Variants in RLIG1 observed in about 807,000 individuals in gnomAD.
The protein encoded by RLIG1 is RNA ligase 1.
At chr12:88,035,549 G>A in the RLIG1 span, 1 of 1,257,680 alleles carries the variant, frequency 8.0e-7, no homozygotes, top group Non-Finnish European at 1.1e-6. Flanking sequence ...GAGTGTGCGT[G>A]GCCTGAGCCG....
At chr12:88,048,582 T>A in the RLIG1 span, 1 of 488,656 alleles carries the variant, frequency 2.0e-6, no homozygotes, top group Non-Finnish European at 3.3e-6. Context: ...CAAAATTTTA[T>A]TAAAAACCAG....
the RLIG1 span, chr12:88,035,826 G>T: frequency 6.5e-7 from 1 of 1,543,396 alleles, no homozygotes; most frequent in African/African-American, 1.4e-5. Context: ...AGGGCGGCTG[G>T]GCGCTTTAGA....
the RLIG1 span, among the ~76,000 whole-genome samples, chr12:88,046,012 C>T: frequency 3.3e-5 from 5 of 152,056 alleles, no homozygotes; most frequent in Admixed American, 6.6e-5. Context: ...CATTACACAA[C>T]TATATATGAA....
At chr12:88,047,456 C>T in the RLIG1 span, among the ~76,000 whole-genome samples, 1 of 152,102 alleles carries the variant, frequency 6.6e-6, no homozygotes, top group Non-Finnish European at 1.5e-5. Context: ...CTAGTTGTAA[C>T]TCTCTGAGTC....
chr12:88,047,063 T>A, the RLIG1 span: 1 of 1,268,658 alleles, frequency 7.9e-7, no homozygotes, highest in Admixed American at 2.5e-5. Context: ...TCTCTACAAA[T>A]GGCAGCAATT....
the RLIG1 span, chr12:88,035,736 C>A: frequency 6.3e-7 from 1 of 1,596,270 alleles, no homozygotes; most frequent in Non-Finnish European, 8.5e-7. Flanking sequence ...AAGGGAGCAT[C>A]AGGTACGGAG....
the RLIG1 span, chr12:88,049,310 A>G: frequency 2.6e-6 from 4 of 1,549,150 alleles, no homozygotes; most frequent in Admixed American, 3.4e-5. Flanking sequence ...CTAAGAGAAT[A>G]TTCTTCTTCA....
At chr12:88,048,195 A>T in the RLIG1 span, 1 of 1,432,262 alleles carries the variant, frequency 7.0e-7, no homozygotes. Context: ...TGAAGATAGT[A>T]TCTGTATGCT....
At chr12:88,048,281 C>T in the RLIG1 span, 8 of 1,598,348 alleles carry the variant, frequency 5.0e-6, no homozygotes, top group African/African-American at 5.4e-5. Flanking sequence ...CAGATACTTA[C>T]ATGAATTCAA....
At chr12:88,045,321 A>C in the RLIG1 span, 1 of 345,482 alleles carries the variant, frequency 2.9e-6, no homozygotes, top group Non-Finnish European at 5.3e-6. Flanking sequence ...TTCTTAATGA[A>C]TAAGGGTGAA....
the RLIG1 span, chr12:88,049,145 T>TAATA: frequency 1.6e-6 from 2 of 1,231,592 alleles, no homozygotes; most frequent in African/African-American, 3.1e-5. Context: ...CTTATAAAGT[T>TAATA]AATAAATAGT....
At chr12:88,049,154 G>C in the RLIG1 span, 1 of 1,333,766 alleles carries the variant, frequency 7.5e-7, no homozygotes, top group Non-Finnish European at 1.0e-6. Flanking sequence ...TTAATAAATA[G>C]TTAAATGAAA....
the RLIG1 span, chr12:88,044,100 C>G: frequency 5.1e-6 from 1 of 194,260 alleles, no homozygotes; most frequent in Non-Finnish European, 1.0e-5. Context: ...TGGCAAAACC[C>G]TGTCTCTACC....
the RLIG1 span, chr12:88,043,530 G>A: frequency 3.2e-6 from 3 of 949,200 alleles, no homozygotes; most frequent in Non-Finnish European, 4.7e-6. Context: ...TTCCCATTTT[G>A]AGTCTGTTTA....
the RLIG1 span, chr12:88,044,775 A>G: frequency 6.6e-6 from 1 of 152,508 alleles, no homozygotes; most frequent in East Asian, 1.9e-4. Flanking sequence ...AGCTTAGGCA[A>G]ACTCCCAGGA....
the RLIG1 span, chr12:88,045,486 A>T: frequency 1.1e-6 from 1 of 885,168 alleles, no homozygotes. Context: ...ACACCCAGAA[A>T]ACATGAGAAA....
the RLIG1 span, chr12:88,048,985 G>A: frequency 2.7e-6 from 1 of 369,994 alleles, no homozygotes; most frequent in Admixed American, 4.5e-5. Flanking sequence ...TTTGATGGCT[G>A]TAACAAGTCT....
At chr12:88,045,666 T>G in the RLIG1 span, 1 of 1,613,188 alleles carries the variant, frequency 6.2e-7, no homozygotes, top group East Asian at 2.2e-5. Context: ...GCCCTGGTAC[T>G]AAAACATCAT....
chr12:88,047,746 C>G, the RLIG1 span, among the ~76,000 whole-genome samples: 18 of 152,222 alleles, frequency 1.2e-4, no homozygotes, highest in Non-Finnish European at 2.6e-4. Flanking sequence ...TGATCTGGCC[C>G]CTACTTAATT....
Sources: allele counts gnomAD v4.1 joint callset (sites outside exome capture counted in the v4.1 genomes callset), GRCh38; gene constraint gnomAD v4.1.1; transcripts MANE v1.5; gene names NCBI Gene and HGNC (gene_info 2026-07-23, HGNC 2026-07-21).